The following OSBPL10 variants were observed in gnomAD, a reference collection of about 807,000 sequenced individuals.
The protein encoded by OSBPL10 is oxysterol binding protein like 10.
In OSBPL10, 49 loss-of-function variants were observed where a neutral mutation model predicts 81.7. The observed-to-expected ratio is 0.60, with a 90% confidence interval of 0.48 to 0.76. The LOEUF is 0.76. OSBPL10 is among the 30% of genes least tolerant of loss of function. The probability of loss-of-function intolerance (pLI) is 0.00; values close to 1 mark genes in which losing one functional copy is unlikely to be tolerated. For synonymous variants in OSBPL10, 419 were observed against 383.6 expected, an observed-to-expected ratio of 1.09 and a Z score of -1.08; for missense variants, 923 against 987.8, an observed-to-expected ratio of 0.93 and a Z score of 0.88.
rs115276541 is a variant in OSBPL10, at chr3:32,042,413, G to A, written n.298+4078C>T. Among the ~76,000 whole-genome samples, 1,140 of 152,182 alleles carry A rather than the reference G, an allele frequency of 7.5e-3. 12 individuals are homozygous for A. Among genetic ancestry groups the A allele is most frequent in the African/African-American group, 0.026 (1,081 of 41,508 alleles). ...GTGAAACAATGCCCTTCTCTATTTC[G>A]CTAGGTCAAAGTCTATTCATCCTTA... On this transcript the variant is annotated intron_variant and non_coding_transcript_variant, in intron 2 of 3. Coordinates refer to the OSBPL10 transcript ENST00000479173.
At chr3:31,927,150 A>C (rs779164454) in intron 1 of OSBPL10, among the ~76,000 whole-genome samples, 31 of 152,164 alleles carry the variant, frequency 2.0e-4, no homozygotes, top group Non-Finnish European at 3.7e-4. Context: ...GGTAAAGTAA[A>C]AGCTACACAC....
At chr3:31,674,639 C>A (rs997466520) in intron 8 of OSBPL10, among the ~76,000 whole-genome samples, 1 of 151,044 alleles carries the variant, frequency 6.6e-6, no homozygotes, top group African/African-American at 2.4e-5. Flanking sequence ...GGAAAAGAGT[C>A]CGACACCTCC....
chr3:32,014,140 A>G (rs1342778859), intron 2 of OSBPL10, among the ~76,000 whole-genome samples: 5 of 152,120 alleles, frequency 3.3e-5, no homozygotes, highest in Non-Finnish European at 7.4e-5. Context: ...GACACACAAC[A>G]AAAAAAGAGA....
intron 8 of OSBPL10, among the ~76,000 whole-genome samples, chr3:31,675,070 A>C (rs894940728): frequency 4.6e-5 from 7 of 152,124 alleles, no homozygotes; most frequent in African/African-American, 1.7e-4. Flanking sequence ...TTGGTAGTAA[A>C]ATCCTTCCAG....
At chr3:31,948,474 C>T (rs1183571750) in intron 1 of OSBPL10, among the ~76,000 whole-genome samples, 1 of 152,162 alleles carries the variant, frequency 6.6e-6, no homozygotes, top group Non-Finnish European at 1.5e-5. Flanking sequence ...CCTGCAGTTC[C>T]ACCTACCTTC....
chr3:31,895,179 G>T (rs958101523), intron 1 of OSBPL10, among the ~76,000 whole-genome samples: 1 of 143,550 alleles, frequency 7.0e-6, no homozygotes, highest in Non-Finnish European at 1.5e-5. Context: ...TGTCGCCCAG[G>T]CTGGAGTGCA....
chr3:31,705,782 C>T lies in OSBPL10; in HGVS notation c.1096-3274G>A, dbSNP rs537590760. On this transcript the variant is annotated intron_variant, in intron 6 of 11. Coordinates refer to ENST00000396556, the MANE Select transcript of OSBPL10 (RefSeq NM_017784.5). ...CACGCCTCCCCTCTCTGAATCTCTG[C>T]GAATTTTCACTTATAAAACAGTAAC... Among the ~76,000 whole-genome samples, 284 of 152,262 alleles carry T rather than the reference C, an allele frequency of 1.9e-3. 2 individuals carry two copies. The highest frequency in any genetic ancestry group is 3.0e-3 in the Admixed American group (46 of 15,302).
At chr3:31,739,345 T>A (rs1697274671) in intron 5 of OSBPL10, among the ~76,000 whole-genome samples, 1 of 152,134 alleles carries the variant, frequency 6.6e-6, no homozygotes, top group South Asian at 2.1e-4. Context: ...AGAGAAAGTC[T>A]TATAGTACTC....
At chr3:31,943,764 G>A (rs1257167251) in intron 1 of OSBPL10, among the ~76,000 whole-genome samples, 2 of 151,822 alleles carry the variant, frequency 1.3e-5, no homozygotes, top group Admixed American at 6.6e-5. Context: ...TCAGGAGTTC[G>A]AGACCAGCCT....
intron 3 of OSBPL10, among the ~76,000 whole-genome samples, chr3:31,846,259 G>A (rs547453537): frequency 3.7e-4 from 57 of 152,240 alleles, no homozygotes; most frequent in African/African-American, 1.1e-3. Flanking sequence ...GCGATCCTCC[G>A]CCTTGGCCTC....
chr3:31,671,092 A>G lies in OSBPL10; in HGVS notation c.1727-109T>C, dbSNP rs886524298. 2.8e-6 allele frequency: 3 copies of G among 1,056,642 alleles called. No homozygotes were observed. In the African/African-American group the frequency reaches 4.9e-5, roughly 17 times the overall value. The allele number at this position is 1,056,642 out of a possible 1,614,324, so 65.5% of individuals were successfully genotyped here. ...AAAGAGCCTCCTGCACAGATGTCAC[A>G]TCTCCCACCTCTGCAGAGGTGAGCT... is the stretch of plus-strand genomic sequence containing the variant. On this transcript the variant is annotated intron_variant, in intron 8 of 11. Coordinates refer to ENST00000396556, the MANE Select transcript of OSBPL10 (RefSeq NM_017784.5).
chr3:31,829,478 G>A (rs1460846496), intron 4 of OSBPL10, among the ~76,000 whole-genome samples: 2 of 152,176 alleles, frequency 1.3e-5, no homozygotes, highest in Admixed American at 1.3e-4. Context: ...GGCAAAGCCT[G>A]TTTTATTTCC....
At chr3:31,819,235 T>G (rs944009272) in intron 4 of OSBPL10, among the ~76,000 whole-genome samples, 4 of 152,176 alleles carry the variant, frequency 2.6e-5, no homozygotes, top group Non-Finnish European at 5.9e-5. Context: ...GCTGACAAAC[T>G]AGAAGGGTGA....
At chr3:31,837,173 G>A (rs1264437524) in intron 3 of OSBPL10, among the ~76,000 whole-genome samples, 1 of 151,874 alleles carries the variant, frequency 6.6e-6, no homozygotes, top group Non-Finnish European at 1.5e-5. Context: ...ATAGTTGATA[G>A]AAAGGAGGAA....
At position 31,922,489 on chromosome 3, in the gene OSBPL10, G is replaced by A. The variant is rs182712684; in HGVS notation, c.282-42659C>T. ...CAAAGTTAGCTGGGTGTGGTGGAGC[G>A]TGCTTGTAATCCCAGTTACTCGAGA... On this transcript the variant is annotated intron_variant, in intron 1 of 11. Coordinates refer to ENST00000396556, the MANE Select transcript of OSBPL10 (RefSeq NM_017784.5). Among the ~76,000 whole-genome samples, 390 of 152,126 alleles carry A rather than the reference G, an allele frequency of 2.6e-3. 2 individuals carry two copies. Among genetic ancestry groups the A allele is most frequent in the Non-Finnish European group, 3.3e-3 (224 of 67,998 alleles).
At chr3:31,831,718 A>ACTTTTG (rs1700246499) in intron 3 of OSBPL10, among the ~76,000 whole-genome samples, 1 of 152,244 alleles carries the variant, frequency 6.6e-6, no homozygotes, top group African/African-American at 2.4e-5. Context: ...AGATTGGCAA[A>ACTTTTG]AATTCAAAAG....
At chr3:31,950,117 G>C (rs1272783028) in intron 1 of OSBPL10, among the ~76,000 whole-genome samples, 1 of 152,180 alleles carries the variant, frequency 6.6e-6, no homozygotes, top group African/African-American at 2.4e-5. Context: ...GCATAATTAA[G>C]AGAATATGGA....
intron 4 of OSBPL10, among the ~76,000 whole-genome samples, chr3:31,803,464 T>C (rs983366167): frequency 5.3e-5 from 8 of 152,222 alleles, no homozygotes; most frequent in South Asian, 2.1e-4. Context: ...CTCACATGTA[T>C]GATGGGTATT....
At chr3:31,674,612 T>TAGAC (rs1316833914) in intron 8 of OSBPL10, among the ~76,000 whole-genome samples, 3 of 110,026 alleles carry the variant, frequency 2.7e-5, no homozygotes, top group African/African-American at 5.4e-5. Flanking sequence ...GATAGATAGA[T>TAGAC]AGATAGATAG....
Sources: gnomAD v4.1 joint callset for allele counts (sites outside exome capture counted in the v4.1 genomes callset) on GRCh38, gnomAD v4.1.1 for gene constraint, MANE v1.5 for transcripts, NCBI Gene and HGNC (gene_info 2026-07-23, HGNC 2026-07-21) for gene names.